Variants in RIPOR2 observed in about 807,000 individuals in gnomAD.
RIPOR2 encodes RHO family interacting cell polarization regulator 2.
RIPOR2 carries 39 observed loss-of-function variants against 114.5 expected under a neutral mutation model. The observed-to-expected ratio is 0.34, with a 90% CI of 0.26 to 0.44. The LOEUF (loss-of-function observed/expected upper bound fraction) is 0.44, where lower values mean the gene tolerates loss of function less well. Among genes scored for constraint, RIPOR2 ranks in the 20% least tolerant of loss-of-function variants. The pLI is 1.00. For missense variants in RIPOR2, 1,007 were observed against 1,255.1 expected (o/e 0.80, Z 2.99); for synonymous variants, 445 against 484.4 (o/e 0.92, Z 1.07).
intron 1 of RIPOR2, among the ~76,000 whole-genome samples, chr6:24,963,645 T>G (rs1381792916): frequency 6.6e-6 from 1 of 152,184 alleles, no homozygotes; most frequent in East Asian, 1.9e-4. Context: ...TCATGGAATT[T>G]GCATTGTTAA....
At chr6:24,891,448 G>A (rs1050420349) in intron 1 of RIPOR2, among the ~76,000 whole-genome samples, 1 of 151,946 alleles carries the variant, frequency 6.6e-6, no homozygotes, top group African/African-American at 2.4e-5. Context: ...TGTATATCAA[G>A]AGTGTTTAAT....
intron 15 of RIPOR2, among the ~76,000 whole-genome samples, chr6:24,833,220 T>C (rs558977849): frequency 1.2e-4 from 18 of 152,258 alleles, no homozygotes; most frequent in Non-Finnish European, 2.2e-4. Context: ...TTTAAAGTAT[T>C]GGGACTCTAA....
chr6:24,915,437 C>T (rs1769997578), intron 1 of RIPOR2, among the ~76,000 whole-genome samples: 1 of 151,750 alleles, frequency 6.6e-6, no homozygotes. Context: ...TCACTGCAAC[C>T]TCCACCTCCT....
chr6:25,023,061 C>T (rs1030692512), intron 1 of RIPOR2, among the ~76,000 whole-genome samples: 3 of 152,102 alleles, frequency 2.0e-5, no homozygotes, highest in Non-Finnish European at 2.9e-5. Flanking sequence ...AGCTGCCCCC[C>T]ACCCTTCCCT....
chr6:25,024,636 T>C (rs1776517639), intron 1 of RIPOR2, among the ~76,000 whole-genome samples: 1 of 152,170 alleles, frequency 6.6e-6, no homozygotes, highest in Admixed American at 6.5e-5. Context: ...TCTGTGCCCT[T>C]CTGGAAGCAG....
At chr6:25,007,912 G>A (rs1041649898) in intron 1 of RIPOR2, among the ~76,000 whole-genome samples, 12 of 151,508 alleles carry the variant, frequency 7.9e-5, no homozygotes, top group Admixed American at 4.6e-4. Flanking sequence ...GTTTGCCCCC[G>A]ACCTCTATTT....
At chr6:25,041,822 G>A in intron 1 of RIPOR2, 1 of 698,816 alleles carries the variant, frequency 1.4e-6, no homozygotes, top group Non-Finnish European at 2.6e-6. Context: ...CAAAGGCAGA[G>A]AGTAGGTAAC....
At chr6:25,029,353 C>G (rs970633940) in intron 1 of RIPOR2, among the ~76,000 whole-genome samples, 16 of 134,032 alleles carry the variant, frequency 1.2e-4, no homozygotes, top group African/African-American at 4.2e-4. Context: ...TGCAGTGAGC[C>G]GAGATCGCGC....
chr6:24,961,402 G>A (rs1250110325), intron 1 of RIPOR2, among the ~76,000 whole-genome samples: 3 of 152,152 alleles, frequency 2.0e-5, no homozygotes, highest in Non-Finnish European at 4.4e-5. Context: ...TCCCTAGCTT[G>A]TGAAAAGCCA....
intron 17 of RIPOR2, among the ~76,000 whole-genome samples, chr6:24,829,892 C>A (rs1036869671): frequency 6.6e-6 from 1 of 152,088 alleles, no homozygotes; most frequent in Non-Finnish European, 1.5e-5. Flanking sequence ...GTGATCATAC[C>A]ATTTGACACT....
intron 1 of RIPOR2, among the ~76,000 whole-genome samples, chr6:24,952,508 A>G (rs1234535097): frequency 1.3e-5 from 2 of 152,226 alleles, no homozygotes; most frequent in African/African-American, 4.8e-5. Context: ...ACATCATTGA[A>G]GCAAAGTTGG....
intron 1 of RIPOR2, among the ~76,000 whole-genome samples, chr6:24,888,451 T>C (rs960880440): frequency 6.6e-6 from 1 of 152,230 alleles, no homozygotes; most frequent in Non-Finnish European, 1.5e-5. Context: ...GAAATTACCA[T>C]TTTTATAAGC....
intron 4 of RIPOR2, among the ~76,000 whole-genome samples, chr6:24,872,413 C>T (rs1364842517): frequency 6.6e-6 from 1 of 152,026 alleles, no homozygotes; most frequent in Admixed American, 6.6e-5. Flanking sequence ...GGGGGTGGGT[C>T]TCACTTTGTT....
chr6:24,899,627 C>T (rs1768216001), intron 1 of RIPOR2, among the ~76,000 whole-genome samples: 2 of 152,196 alleles, frequency 1.3e-5, no homozygotes, highest in Non-Finnish European at 2.9e-5. Context: ...ATTAAAACTG[C>T]ATGAATTAAC....
chr6:24,955,856 A>T (rs1773012943), intron 1 of RIPOR2, among the ~76,000 whole-genome samples: 1 of 151,738 alleles, frequency 6.6e-6, no homozygotes, highest in Non-Finnish European at 1.5e-5. Context: ...AATACAAAAA[A>T]ATATTAGCCA....
intron 5 of RIPOR2, 87 bp from the exon 6 acceptor site, chr6:24,869,234 C>T: frequency 1.6e-6 from 1 of 626,350 alleles, no homozygotes; most frequent in Non-Finnish European, 2.8e-6. Flanking sequence ...ATATCATACT[C>T]AAAAGTATTA....
At chr6:24,890,255 T>C (rs891957110) in intron 1 of RIPOR2, among the ~76,000 whole-genome samples, 7 of 152,176 alleles carry the variant, frequency 4.6e-5, no homozygotes, top group African/African-American at 1.7e-4. Flanking sequence ...TCAACCTAAG[T>C]TTCCATCAGG....
Position 24,893,050 on chromosome 6 carries a change from C to G in RIPOR2, c.62-17233G>C, listed in dbSNP as rs997478854. On this transcript the variant is annotated intron_variant, in intron 1 of 21. Transcript: ENST00000643898. ...TGTCTCTAAAAAAACCAAAACAAAACAAAAGTGTGCATACTCTTGAGATGC... is the reference window on the plus strand; with the variant it reads ...TGTCTCTAAAAAAACCAAAACAAAAGAAAAGTGTGCATACTCTTGAGATGC... Among the ~76,000 whole-genome samples the G allele has an allele frequency of 5.3e-5, 8 of 152,218 alleles. 1 individual carries two copies. The highest frequency in any genetic ancestry group is 3.9e-4 in the Admixed American group (6 of 15,286).
At chr6:24,884,364 G>A (rs568927475) in intron 1 of RIPOR2, among the ~76,000 whole-genome samples, 2 of 152,242 alleles carry the variant, frequency 1.3e-5, no homozygotes, top group South Asian at 2.1e-4. Flanking sequence ...AGCCGAGATC[G>A]TGCCACTGCA....
Sources: gnomAD v4.1 joint callset for allele counts (sites outside exome capture counted in the v4.1 genomes callset) on GRCh38, gnomAD v4.1.1 for gene constraint, MANE v1.5 for transcripts, NCBI Gene and HGNC (gene_info 2026-07-23, HGNC 2026-07-21) for gene names.